Variants in ARHGEF16 observed in about 807,000 individuals in gnomAD.
The protein encoded by ARHGEF16 is Rho guanine exchange factor (GEF) 16.
In ARHGEF16, 59 loss-of-function variants were observed where a neutral mutation model predicts 74.1. The ratio of observed to expected loss-of-function variants is 0.80; its 90% CI spans 0.65 to 0.99. ARHGEF16 has a LOEUF of 0.99. ARHGEF16 is among the 50% of genes least tolerant of loss of function. The pLI, the probability that ARHGEF16 is intolerant of heterozygous loss-of-function variation, is 0.00. For missense variants in ARHGEF16, 948 were observed against 986.6 expected (o/e 0.96, Z 0.52); for synonymous variants, 415 against 412.6 (o/e 1.01, Z -0.07).
intron 4 of ARHGEF16, among the ~76,000 whole-genome samples, chr1:3,467,654 G>A (rs1639586260): frequency 6.6e-6 from 1 of 152,234 alleles, no homozygotes. Context: ...GGAGAGGGCT[G>A]AATGATCTGC....
At chr1:3,459,347 A>C (rs1167217229) in intron 1 of ARHGEF16, among the ~76,000 whole-genome samples, 1 of 152,240 alleles carries the variant, frequency 6.6e-6, no homozygotes, top group Non-Finnish European at 1.5e-5. Context: ...AGCAACTCTG[A>C]CAACAAGGGA....
chr1:3,474,559 G>A (rs928722657), intron 8 of ARHGEF16, 149 bp from the exon 9 acceptor site: 3 of 688,358 alleles, frequency 4.4e-6, no homozygotes, highest in East Asian at 5.4e-5. Flanking sequence ...GGCCGTTCAG[G>A]GGCTGTACGT....
In ARHGEF16 at chr1:3,478,017, A is replaced by G; in HGVS notation, c.1616A>G (p.Lys539Arg). 1 of 1,612,606 alleles carries G rather than the reference A, an allele frequency of 6.2e-7. No homozygotes were observed. Among genetic ancestry groups the G allele is most frequent in the Non-Finnish European group, 8.5e-7 (1 of 1,179,860 alleles). ...TTCAACGATGTCCTGGTTGTGACCA[A>G]GAAGAAGAGGTGGCCTTAGGGCAGG... The part of the protein sequence containing the change: ...FLFNDVLVVT[K>R]KKSEESYMVQ... The change falls in exon 11 of 15, where the codon AAG (lysine) becomes AGG (arginine). Residue 539 changes from lysine to arginine, a missense_variant. Coordinates refer to ENST00000378378, the MANE Select transcript of ARHGEF16 (RefSeq NM_014448.4).
chr1:3,456,047 C>T (rs1639258118), intron 1 of ARHGEF16, among the ~76,000 whole-genome samples: 1 of 152,154 alleles, frequency 6.6e-6, no homozygotes, highest in Non-Finnish European at 1.5e-5. Flanking sequence ...TTGGGGGCTT[C>T]CTGGAAGAAG....
chr1:3,479,435 A>G (rs1639993407), intron 12 of ARHGEF16, 82 bp from the exon 13 acceptor site: 2 of 1,433,072 alleles, frequency 1.4e-6, no homozygotes, highest in Non-Finnish European at 9.7e-7. Flanking sequence ...CACGGCCCCC[A>G]TGGGTGGCTG....
rs199934599 is a variant in ARHGEF16 at position 3,473,451 on chromosome 1, G to A, written c.1234G>A (p.Gly412Arg). The change falls in exon 8 of 15, where the codon GGG becomes AGG. Residue 412 changes from glycine to arginine, a missense_variant. Coordinates refer to ENST00000378378, the MANE Select transcript of ARHGEF16 (RefSeq NM_014448.4). ...LREIERRPAC[G>R]GLPMLSFLIL... is the part of the protein sequence containing the mutation. The stretch of plus-strand genomic sequence containing the variant: ...AGAGATTGAGAGGCGGCCGGCGTGC[G>A]GGGGCCTGCCCATGCTCTCCTTCCT... 5.9e-5 allele frequency: 95 copies of A among 1,612,372 alleles called. 1 individual carries two copies. In the Admixed American group the frequency reaches 1.1e-3, roughly 20 times the overall value.
intron 1 of ARHGEF16, among the ~76,000 whole-genome samples, chr1:3,460,771 G>A (rs1337080394): frequency 6.6e-6 from 1 of 152,142 alleles, no homozygotes; most frequent in Non-Finnish European, 1.5e-5. Flanking sequence ...TGTGTCTGCC[G>A]CTGTCCTTGA....
Position 3,479,881 on chromosome 1 carries a change from CGGACGTGGTCCTGGTTCTGCAGCAGG to C in ARHGEF16, c.1959_1984del (p.Asp654GlyfsTer71). ...GCAGACGAGGTCACACTGCAGCAGGCGGACGTGGTCCTGGTTCTGCAGCAGGAGGATGGTGAGTGCAGGGGCGTTGG... is the reference window on the plus strand; with the variant it reads ...GCAGACGAGGTCACACTGCAGCAGGCAGGATGGTGAGTGCAGGGGCGTTGG... On this transcript the variant is annotated frameshift_variant, in exon 14 of 15. Transcript: ENST00000378378. LOFTEE classifies it low-confidence loss of function (END_TRUNC). 1 of 1,612,214 alleles carries C rather than the reference CGGACGTGGTCCTGGTTCTGCAGCAGG, an allele frequency of 6.2e-7. No homozygotes were observed. Among genetic ancestry groups the C allele is most frequent in the Non-Finnish European group, 8.5e-7 (1 of 1,179,886 alleles).
intron 10 of ARHGEF16, 61 bp from the exon 11 acceptor site, chr1:3,477,814 C>T: frequency 1.9e-6 from 3 of 1,563,706 alleles, no homozygotes; most frequent in South Asian, 1.1e-5. Context: ...ACCTGCTCAC[C>T]CCGGCTCTGT....
At position 3,479,928 on chromosome 1, in the gene ARHGEF16, G is replaced by A. The variant is rs369532356; in HGVS notation, c.1990+15G>A. The A allele has an allele frequency of 9.9e-4, 1,587 of 1,610,956 alleles. 11 individuals are homozygous for A. The highest frequency in any genetic ancestry group is 5.9e-3 in the South Asian group (539 of 91,044). On this transcript the variant is annotated intron_variant, in intron 14 of 14. Coordinates refer to ENST00000378378, the MANE Select transcript of ARHGEF16 (RefSeq NM_014448.4). ...GCAGGAGGATGGTGAGTGCAGGGGC[G>A]TTGGGCACAGATGGGTGGGAACGGA...
At chr1:3,464,675 G>A (rs574177517) in intron 2 of ARHGEF16, among the ~76,000 whole-genome samples, 6 of 152,326 alleles carry the variant, frequency 3.9e-5, no homozygotes, top group Admixed American at 2.6e-4. Flanking sequence ...GGACGAGGGC[G>A]GGGGCAGGTG....
At chr1:3,466,530 C>G (rs909981296) in intron 3 of ARHGEF16, among the ~76,000 whole-genome samples, 1 of 151,854 alleles carries the variant, frequency 6.6e-6, no homozygotes, top group South Asian at 2.1e-4. Flanking sequence ...CAGAGGGCAC[C>G]GGCCCCACAC....
intron 14 of ARHGEF16, among the ~76,000 whole-genome samples, chr1:3,480,173 C>T (rs11801054): frequency 0.079 from 12,002 of 152,276 alleles, 1,612 homozygotes; most frequent in African/African-American, 0.27. Flanking sequence ...AGGCCCAGCA[C>T]GAGCCTGCAG....
At chr1:3,460,332 G>A (rs1276238409) in intron 1 of ARHGEF16, among the ~76,000 whole-genome samples, 5 of 152,244 alleles carry the variant, frequency 3.3e-5, no homozygotes, top group East Asian at 3.9e-4. Flanking sequence ...CTCAGAGGAC[G>A]TGGTCAGGGA....
intron 6 of ARHGEF16, chr1:3,471,936 G>A (rs1639736680): frequency 1.7e-6 from 1 of 580,244 alleles, no homozygotes; most frequent in African/African-American, 2.0e-5. Flanking sequence ...ATGACCTGCT[G>A]GGTCCTCGTC....
chr1:3,480,875 C>T lies in ARHGEF16; in HGVS notation c.*288C>T. On this transcript the variant is annotated 3_prime_UTR_variant, in exon 15 of 15. Transcript: ENST00000378378. ...CCCTCAGCTGCTGGGCCCCACCTCC[C>T]CACTGCACCCAGGGGGCAACTCCAC... is the stretch of plus-strand genomic sequence containing the variant. 2.0e-6 allele frequency: 1 copy of T among 502,514 alleles called. No homozygotes were observed. The highest frequency in any genetic ancestry group is 3.6e-6 in the Non-Finnish European group (1 of 280,948). 31.1% of individuals were successfully genotyped at this position (502,514 alleles called of 1,614,324 possible).
At chr1:3,470,212 C>T (rs1290353654) in intron 6 of ARHGEF16, among the ~76,000 whole-genome samples, 2 of 148,138 alleles carry the variant, frequency 1.4e-5, no homozygotes, top group African/African-American at 2.5e-5. Context: ...GAGGGTGGCT[C>T]GGGAGCATCC....
Position 3,466,155 on chromosome 1 carries a change from T to C in ARHGEF16, c.596T>C (p.Leu199Pro), listed in dbSNP as rs765583778. 3.4e-5 allele frequency: 52 copies of C among 1,548,034 alleles called. No homozygotes were observed. The highest frequency in any genetic ancestry group is 4.3e-5 in the Non-Finnish European group (49 of 1,145,884). The change falls in exon 3 of 15, where the codon CTG (leucine) becomes CCG (proline). Residue 199 changes from leucine (L) to proline (P), a missense_variant. Leu to Pro is a moderately conservative substitution (Grantham distance 98). Coordinates refer to ENST00000378378, the MANE Select transcript of ARHGEF16 (RefSeq NM_014448.4). The stretch of plus-strand genomic sequence containing the variant: ...TGTCTCTCTTTTGTGCAGAAGACGC[T>C]GGGGAGGAAACGTGGGCACAAGGGT... ...TRSPAKNKKT[L>P]GRKRGHKGSF...
intron 6 of ARHGEF16, among the ~76,000 whole-genome samples, chr1:3,471,121 T>G (rs1470468379): frequency 1.4e-5 from 2 of 148,042 alleles, no homozygotes; most frequent in African/African-American, 2.5e-5. Context: ...TGGGCAGGGG[T>G]GTGTGTGCGT....
Sources: allele counts gnomAD v4.1 joint callset (sites outside exome capture counted in the v4.1 genomes callset), GRCh38; gene constraint gnomAD v4.1.1; transcripts MANE v1.5; gene names NCBI Gene and HGNC (gene_info 2026-07-23, HGNC 2026-07-21).